DNAH3: variants seen among roughly 807,000 people sequenced by gnomAD.
DNAH3 encodes dynein axonemal heavy chain 3, also known as axonemal beta dynein heavy chain 3.
Under a neutral mutation model 432.5 loss-of-function variants are expected in DNAH3, and 332 were observed. The observed-to-expected ratio is 0.77, with a 90% CI of 0.70 to 0.84. The LOEUF is 0.84. Ranked by LOEUF, DNAH3 falls within the 40% of genes least tolerant of loss-of-function variation. The probability of loss-of-function intolerance (pLI) is 0.00; values close to 1 mark genes in which losing one functional copy is unlikely to be tolerated. For missense variants in DNAH3, 4,861 were observed against 5,114.0 expected (o/e 0.95, Z 1.51); for synonymous variants, 1,956 against 1,900.2 (o/e 1.03, Z -0.76).
exon 56 of DNAH3, chr16:20,952,506 A>G (rs1331451002): frequency 6.2e-7 from 1 of 1,613,436 alleles, no homozygotes; most frequent in South Asian, 1.1e-5. Context: ...GCCACATACT[A>G]ATCCTCAGGT....
chr16:20,954,822 C>T (rs199674289), exon 55 of DNAH3: 4 of 1,614,038 alleles, frequency 2.5e-6, no homozygotes, highest in Non-Finnish European at 3.4e-6. Flanking sequence ...CCTAGGGGGC[C>T]GAAGTTTCTT....
exon 53 of DNAH3, chr16:20,964,111 G>T (rs2084944987): frequency 2.5e-6 from 4 of 1,614,156 alleles, no homozygotes; most frequent in African/African-American, 1.3e-5. Flanking sequence ...TTTGATGGCG[G>T]TTTCATCCTC....
At chr16:21,070,234 G>A (rs1490524736) in intron 22 of DNAH3, among the ~76,000 whole-genome samples, 1 of 152,166 alleles carries the variant, frequency 6.6e-6, no homozygotes, top group Non-Finnish European at 1.5e-5. Flanking sequence ...CATGCCATAT[G>A]CTTTCTTGGA....
chr16:21,022,179 G>A, intron 39 of DNAH3, 79 bp from the exon 40 acceptor site: 1 of 1,488,224 alleles, frequency 6.7e-7, no homozygotes, highest in African/African-American at 1.4e-5. Flanking sequence ...TCTACCTTGT[G>A]AGGCTAGAGA....
chr16:20,956,391 C>T (rs2084567393), intron 54 of DNAH3, among the ~76,000 whole-genome samples: 1 of 152,132 alleles, frequency 6.6e-6, no homozygotes. Context: ...CACTGCAAGC[C>T]CCACCATTCC....
chr16:20,961,521 AAAAT>A (rs1282429351), intron 53 of DNAH3, among the ~76,000 whole-genome samples: 1 of 129,612 alleles, frequency 7.7e-6, no homozygotes, highest in Non-Finnish European at 1.7e-5. Context: ...ATAAAAAAAT[AAAAT>A]AAAATAAAAT....
At chr16:20,975,631 T>C (rs2085552888) in intron 50 of DNAH3, among the ~76,000 whole-genome samples, 1 of 152,246 alleles carries the variant, frequency 6.6e-6, no homozygotes, top group South Asian at 2.1e-4. Flanking sequence ...TATCAAGCAC[T>C]GTGCTAGGCA....
Position 20,987,351 on chromosome 16 carries a change from A to G in DNAH3, c.6980T>C (p.Met2327Thr), listed in dbSNP as rs755109388. The change falls in exon 47 of 62, where the codon ATG (methionine) becomes ACG (threonine). Residue 2327 changes from methionine (M) to threonine (T), a missense_variant. By Grantham distance (81) the Met-to-Thr change is moderately conservative. Transcript: ENST00000261383. ...GCAATTGGAGGTGGTTTCCTTCACC[A>G]TGTTGAAAAAGACCTGTCTGTCCTC... The G allele has an allele frequency of 9.3e-6, 15 of 1,614,200 alleles. No homozygotes were observed. The East Asian group carries it at 1.8e-4, about 19-fold the overall frequency.
At chr16:21,024,735 C>T (rs770003859) in intron 38 of DNAH3, 34 bp from the exon 39 acceptor site, 12 of 1,512,854 alleles carry the variant, frequency 7.9e-6, no homozygotes, top group Non-Finnish European at 1.1e-5. Flanking sequence ...TAGGTGCTCG[C>T]TTCTTTGTTA....
intron 41 of DNAH3, among the ~76,000 whole-genome samples, chr16:21,017,897 A>C (rs2087942749): frequency 6.6e-6 from 1 of 152,166 alleles, no homozygotes; most frequent in Non-Finnish European, 1.5e-5. Flanking sequence ...GACATTGTAC[A>C]GTGAACATTT....
chr16:21,094,142 A>G (rs2091613449), intron 18 of DNAH3, among the ~76,000 whole-genome samples: 1 of 152,144 alleles, frequency 6.6e-6, no homozygotes, highest in Admixed American at 6.5e-5. Context: ...CTTGGAGAAA[A>G]TATTTGTAAA....
exon 50 of DNAH3, chr16:20,979,351 T>C (rs1782741788): frequency 1.2e-6 from 2 of 1,613,972 alleles, no homozygotes; most frequent in Non-Finnish European, 1.7e-6. Flanking sequence ...CAAAGTCGAG[T>C]TTCTGCAAGC....
chr16:21,125,788 C>T (rs9745719), intron 8 of DNAH3, among the ~76,000 whole-genome samples: 2 of 152,246 alleles, frequency 1.3e-5, no homozygotes, highest in African/African-American at 4.8e-5. Flanking sequence ...AGAAAGAAAA[C>T]ATGAAAGGAG....
exon 6 of DNAH3, chr16:21,136,333 T>C: frequency 6.2e-7 from 1 of 1,613,862 alleles, no homozygotes; most frequent in Admixed American, 1.7e-5. Context: ...CCGATGCTTT[T>C]CATGAGGCTA....
At chr16:21,010,892 T>TG (rs2087563510) in intron 41 of DNAH3, among the ~76,000 whole-genome samples, 2 of 151,114 alleles carry the variant, frequency 1.3e-5, no homozygotes, top group African/African-American at 4.9e-5. Context: ...AAACCTGTTT[T>TG]TTTTTTTTTG....
chr16:21,154,058 T>A (rs997152246), intron 1 of DNAH3, among the ~76,000 whole-genome samples: 7 of 152,206 alleles, frequency 4.6e-5, no homozygotes, highest in Non-Finnish European at 7.3e-5. Context: ...CTATACTGGG[T>A]GTGAAACCTC....
chr16:21,075,369 G>A, intron 21 of DNAH3, 78 bp downstream of exon 21: 1 of 1,011,580 alleles, frequency 9.9e-7, no homozygotes, highest in Non-Finnish European at 1.6e-6. Flanking sequence ...TTGCCATTCT[G>A]AATGAATCGT....
At chr16:21,159,420 C>T (rs751103410) in exon 1 of DNAH3, 2 of 1,614,008 alleles carry the variant, frequency 1.2e-6, no homozygotes, top group East Asian at 2.2e-5. Context: ...AGTGTGAGCT[C>T]GAGGCGCCCT....
At chr16:20,963,616 A>C in exon 53 of DNAH3, 1 of 1,613,998 alleles carries the variant, frequency 6.2e-7, no homozygotes, top group Non-Finnish European at 8.5e-7. Context: ...TGCACGGACA[A>C]TCTCTGCCCA....
Sources: gnomAD v4.1 joint callset for allele counts (sites outside exome capture counted in the v4.1 genomes callset) on GRCh38, gnomAD v4.1.1 for gene constraint, MANE v1.5 for transcripts, NCBI Gene and HGNC (gene_info 2026-07-23, HGNC 2026-07-21) for gene names.